MAP4: variants seen among roughly 807,000 people sequenced by gnomAD.
MAP4 encodes microtubule associated protein 4.
MAP4 carries 76 observed loss-of-function variants against 170.2 expected under a neutral mutation model. The ratio of observed to expected loss-of-function variants is 0.45; its 90% CI spans 0.37 to 0.54. The LOEUF (loss-of-function observed/expected upper bound fraction) is 0.54. Ranked by LOEUF, MAP4 falls within the 20% of genes least tolerant of loss-of-function variation. MAP4 has a pLI of 0.00. For missense variants in MAP4, 2,506 were observed against 2,748.0 expected (o/e 0.91, Z 1.97); for synonymous variants, 909 against 994.5 (o/e 0.91, Z 1.62).
intron 3 of MAP4, among the ~76,000 whole-genome samples, chr3:47,976,086 G>A (rs747350571): frequency 1.2e-4 from 18 of 152,138 alleles, no homozygotes; most frequent in African/African-American, 3.9e-4. Flanking sequence ...CACCGCGCCC[G>A]GCCTAGTATC....
rs77080638 is a variant in MAP4, at chr3:47,890,960, T to C, written c.5434+11990A>G. 5,414 of 1,317,208 alleles carry C rather than the reference T, an allele frequency of 4.1e-3. 17 individuals carry two copies. The highest frequency in any genetic ancestry group is 5.2e-3 in the Non-Finnish European group (5,180 of 990,448). 81.6% of individuals were successfully genotyped at this position (1,317,208 alleles called of 1,614,324 possible). A position where few individuals can be genotyped will look rare whatever the true frequency, so the allele number is the denominator to read the frequency against. ...GCTGCTTAGTGCTCTGCCGGTAATC[T>C]GTCACTTTGGTTCCTTCCTTGCTGT... is the stretch of plus-strand genomic sequence containing the variant. On this transcript the variant is annotated intron_variant, in intron 10 of 20. Transcript: ENST00000683076.
intron 1 of MAP4, among the ~76,000 whole-genome samples, chr3:48,075,268 T>C (rs1411311044): frequency 3.3e-5 from 5 of 152,132 alleles, no homozygotes; most frequent in Non-Finnish European, 7.4e-5. Context: ...CTCACACCTG[T>C]AATCCCAGAA....
At chr3:47,873,687 T>G (rs1246239165) in intron 12 of MAP4, among the ~76,000 whole-genome samples, 1 of 152,236 alleles carries the variant, frequency 6.6e-6, no homozygotes, top group Non-Finnish European at 1.5e-5. Context: ...GAGGATTCCC[T>G]TTTCTATTGC....
At chr3:47,933,761 C>T (rs1018910212) in intron 3 of MAP4, among the ~76,000 whole-genome samples, 4 of 151,972 alleles carry the variant, frequency 2.6e-5, no homozygotes, top group East Asian at 1.9e-4. Context: ...CCACCACGCC[C>T]GGCTAATTTT....
At chr3:48,072,847 A>G (rs557873413) in intron 1 of MAP4, among the ~76,000 whole-genome samples, 3 of 152,248 alleles carry the variant, frequency 2.0e-5, no homozygotes, top group African/African-American at 7.2e-5. Context: ...TGCAGCATCA[A>G]TTGAACATAC....
At position 47,998,806 on chromosome 3, in the gene MAP4, C is replaced by T; in HGVS notation, c.55G>A (p.Gly19Arg). 6.2e-7 allele frequency: 1 copy of T among 1,614,170 alleles called. No individual in the cohort carries two copies. Among genetic ancestry groups the T allele is most frequent in the Non-Finnish European group, 8.5e-7 (1 of 1,180,022 alleles). The change falls in exon 2 of 21, where the codon GGA (glycine) becomes AGA (arginine). Residue 19 changes from glycine (G) to arginine (R), a missense_variant. Around this residue, in one of 3 missense-constraint regions of MAP4, gnomAD observed 2,008 missense variants for 2,206.0 expected, o/e 0.91. Coordinates refer to ENST00000683076, the MANE Select transcript of MAP4 (RefSeq NM_001385682.1). ...ALTEPSPDIE[G>R]EIKRDFIATL... ...GCAATGAAGTCCCGCTTTATCTCTCCCTCAATGTCTGGAGATGGTTCTGTT... is the reference window on the plus strand; with the variant it reads ...GCAATGAAGTCCCGCTTTATCTCTCTCTCAATGTCTGGAGATGGTTCTGTT...
chr3:47,971,748 C>T (rs369743943), intron 3 of MAP4, among the ~76,000 whole-genome samples: 23 of 152,244 alleles, frequency 1.5e-4, no homozygotes, highest in East Asian at 1.2e-3. Flanking sequence ...GAGGATAATA[C>T]AGTATTACAC....
intron 8 of MAP4, among the ~76,000 whole-genome samples, chr3:47,914,296 G>A (rs1156942231): frequency 6.6e-6 from 1 of 152,022 alleles, no homozygotes; most frequent in Non-Finnish European, 1.5e-5. Flanking sequence ...GGTCGCTCAC[G>A]CCTGTAATCC....
intron 3 of MAP4, among the ~76,000 whole-genome samples, chr3:47,950,401 T>C (rs1578179735): frequency 6.6e-6 from 1 of 152,112 alleles, no homozygotes; most frequent in Non-Finnish European, 1.5e-5. Context: ...TTAAGTGCAG[T>C]GCTAAGCACC....
intron 1 of MAP4, among the ~76,000 whole-genome samples, chr3:48,056,506 C>G (rs1483500229): frequency 1.9e-3 from 88 of 46,354 alleles, no homozygotes; most frequent in Middle Eastern, 0.015. Flanking sequence ...TCAGCCCTCC[C>G]CCCGGCCAGC....
intron 1 of MAP4, among the ~76,000 whole-genome samples, chr3:48,049,396 G>A (rs1005157304): frequency 2.0e-5 from 3 of 152,112 alleles, no homozygotes; most frequent in Non-Finnish European, 2.9e-5. Context: ...AAGGCAGGAG[G>A]ATCGTTTGAG....
At chr3:47,899,105 T>C (rs1389247425) in intron 10 of MAP4, among the ~76,000 whole-genome samples, 1 of 152,160 alleles carries the variant, frequency 6.6e-6, no homozygotes, top group East Asian at 1.9e-4. Flanking sequence ...TCCCAGCCAC[T>C]GTAAAATTAT....
intron 1 of MAP4, among the ~76,000 whole-genome samples, chr3:48,058,728 C>A (rs758988619): frequency 6.6e-6 from 1 of 152,170 alleles, no homozygotes; most frequent in Non-Finnish European, 1.5e-5. Flanking sequence ...AAACAATTGT[C>A]TTTTCCTGCA....
chr3:47,868,202 G>C (rs2084052722), intron 16 of MAP4, among the ~76,000 whole-genome samples: 1 of 152,188 alleles, frequency 6.6e-6, no homozygotes, highest in African/African-American at 2.4e-5. Flanking sequence ...CTAAGAGTCT[G>C]GAACAAAGAA....
chr3:47,866,736 A>G (rs2081074874), intron 17 of MAP4, among the ~76,000 whole-genome samples: 1 of 152,218 alleles, frequency 6.6e-6, no homozygotes, highest in African/African-American at 2.4e-5. Context: ...CTTGGGCAAC[A>G]AAGTGAGACT....
intron 1 of MAP4, among the ~76,000 whole-genome samples, chr3:48,026,057 C>T (rs554311117): frequency 6.6e-6 from 1 of 152,118 alleles, no homozygotes; most frequent in Admixed American, 6.5e-5. Flanking sequence ...TGTGTCCTTA[C>T]TGCTTTGTAT....
chr3:47,973,798 C>G (rs2100080260), intron 3 of MAP4: 6 of 985,204 alleles, frequency 6.1e-6, no homozygotes, highest in East Asian at 1.1e-4. Flanking sequence ...GAAAGAAACC[C>G]CAAAATCAAC....
At chr3:48,006,259 G>A (rs1307364516) in intron 1 of MAP4, among the ~76,000 whole-genome samples, 1 of 152,120 alleles carries the variant, frequency 6.6e-6, no homozygotes, top group Non-Finnish European at 1.5e-5. Context: ...CTACTTTACT[G>A]ACAATTTATG....
At chr3:47,885,764 T>C (rs1404987516) in intron 10 of MAP4, among the ~76,000 whole-genome samples, 1 of 151,244 alleles carries the variant, frequency 6.6e-6, no homozygotes, top group African/African-American at 2.4e-5. Context: ...AATCTCGCTC[T>C]GTCACCCAGG....
Sources: gnomAD v4.1 joint callset for allele counts (sites outside exome capture counted in the v4.1 genomes callset) on GRCh38, gnomAD v4.1.1 for gene constraint, gnomAD v4.1.1 regional missense constraint, MANE v1.5 for transcripts, NCBI Gene and HGNC (gene_info 2026-07-23, HGNC 2026-07-21) for gene names.